SIN3A: variants seen among roughly 807,000 people sequenced by gnomAD.
SIN3A encodes the protein paired amphipathic helix protein Sin3a.
SIN3A carries 14 observed loss-of-function variants against 146.1 expected under a neutral mutation model. The observed-to-expected ratio is 0.10, with a 90% CI of 0.06 to 0.15. The LOEUF (loss-of-function observed/expected upper bound fraction) is 0.15, where lower values mean the gene tolerates loss of function less well. Among genes scored for constraint, SIN3A ranks in the 10% least tolerant of loss-of-function variants. SIN3A has a pLI of 1.00. For missense variants in SIN3A, 1,028 were observed against 1,576.0 expected, an observed-to-expected ratio of 0.65 and a Z score of 5.89; for synonymous variants, 572 against 572.0, an observed-to-expected ratio of 1.00 and a Z score of 0.00.
At chr15:75,431,637 A>C (rs1192783310) in intron 1 of SIN3A, among the ~76,000 whole-genome samples, 1 of 142,354 alleles carries the variant, frequency 7.0e-6, no homozygotes, top group East Asian at 2.1e-4. Context: ...CCTCATCTGA[A>C]ATACGGTTAA....
At chr15:75,374,559 G>A (rs148812882) in intron 20 of SIN3A, among the ~76,000 whole-genome samples, 1 of 152,258 alleles carries the variant, frequency 6.6e-6, no homozygotes, top group Non-Finnish European at 1.5e-5. Flanking sequence ...AGCTATCTTT[G>A]TCAAATGTCC....
intron 1 of SIN3A, among the ~76,000 whole-genome samples, chr15:75,448,418 CG>C (rs1366840019): frequency 1.3e-5 from 2 of 150,976 alleles, no homozygotes; most frequent in African/African-American, 2.4e-5. Flanking sequence ...CGCTAGAACC[CG>C]GGAGGCGGAA....
intron 14 of SIN3A, among the ~76,000 whole-genome samples, chr15:75,393,741 T>G (rs4526985): frequency 0.6 from 91,591 of 151,946 alleles, 28,866 homozygotes; most frequent in African/African-American, 0.8. Context: ...TGTGATTTAC[T>G]TTACTTCTGG....
intron 3 of SIN3A, 142 bp downstream of exon 3, chr15:75,422,505 T>C: frequency 3.1e-6 from 3 of 975,332 alleles, no homozygotes; most frequent in Non-Finnish European, 4.8e-6. Context: ...TAAGCAAATT[T>C]CACAAAACAA....
At chr15:75,417,838 T>G (rs575098632) in intron 3 of SIN3A, among the ~76,000 whole-genome samples, 2 of 152,278 alleles carry the variant, frequency 1.3e-5, no homozygotes, top group East Asian at 3.9e-4. Flanking sequence ...AGAAAGTGAT[T>G]GTGGAGCCCT....
intron 9 of SIN3A, among the ~76,000 whole-genome samples, chr15:75,402,605 T>C (rs2073431763): frequency 6.6e-6 from 1 of 152,152 alleles, no homozygotes; most frequent in Admixed American, 6.6e-5. Flanking sequence ...TTAGATGTGA[T>C]AATGATTATG....
chr15:75,442,608 T>G (rs1159319715), intron 1 of SIN3A, among the ~76,000 whole-genome samples: 2 of 121,214 alleles, frequency 1.6e-5, no homozygotes, highest in Admixed American at 9.5e-5. Context: ...GTGAGATAGA[T>G]CCCATCTTTA....
intron 1 of SIN3A, among the ~76,000 whole-genome samples, chr15:75,446,821 G>C (rs563090507): frequency 6.6e-6 from 1 of 152,000 alleles, no homozygotes; most frequent in South Asian, 2.1e-4. Context: ...GCCCAGGCTA[G>C]AGTGCAGTGG....
chr15:75,414,912 A>G (rs1246719325), intron 3 of SIN3A, among the ~76,000 whole-genome samples: 4 of 152,204 alleles, frequency 2.6e-5, no homozygotes, highest in African/African-American at 9.6e-5. Flanking sequence ...ACGATATGGG[A>G]TATTTAGAAA....
Position 75,396,252 on chromosome 15 carries a change from A to G in SIN3A, c.2093+6T>C, listed in dbSNP as rs1272161312. 2.5e-6 allele frequency: 4 copies of G among 1,601,132 alleles called. No homozygotes were observed. Among genetic ancestry groups the G allele is most frequent in the Non-Finnish European group, 2.6e-6 (3 of 1,168,484 alleles). ...TAAAGCACTAAGGGCACATTTGCTC[A>G]TGTACCTTTTAAGGACAATTGGAAC... On this transcript the variant is annotated splice_donor_region_variant and intron_variant, in intron 13 of 20. Coordinates refer to ENST00000394947, the MANE Select transcript of SIN3A (RefSeq NM_001145358.2).
At chr15:75,406,504 G>A (rs1457491365) in intron 9 of SIN3A, among the ~76,000 whole-genome samples, 2 of 152,100 alleles carry the variant, frequency 1.3e-5, no homozygotes, top group Admixed American at 6.5e-5. Context: ...TGGCTAACAC[G>A]GTGAAACCCC....
chr15:75,421,388 TTA>T (rs2073838112), intron 3 of SIN3A: 1 of 152,294 alleles, frequency 6.6e-6, no homozygotes, highest in South Asian at 2.1e-4. Flanking sequence ...TGTACTCTCT[TTA>T]AAAGGCTATG....
chr15:75,410,747 G>C (rs1044053899), intron 6 of SIN3A, among the ~76,000 whole-genome samples: 2 of 152,098 alleles, frequency 1.3e-5, no homozygotes, highest in African/African-American at 4.8e-5. Context: ...TCATGGGACA[G>C]TGACTAACAA....
At chr15:75,435,284 CTAAA>C (rs2074087013) in intron 1 of SIN3A, among the ~76,000 whole-genome samples, 1 of 151,770 alleles carries the variant, frequency 6.6e-6, no homozygotes, top group Non-Finnish European at 1.5e-5. Flanking sequence ...ATATGAAAAT[CTAAA>C]TATCTATCAG....
At chr15:75,452,357 G>A (rs2141654468), upstream of SIN3A, among the ~76,000 whole-genome samples, 1 of 152,334 alleles carries the variant, frequency 6.6e-6, no homozygotes, top group Non-Finnish European at 1.5e-5. Context: ...CGAGATAGGA[G>A]GGGGAGCGGA....
At chr15:75,379,356 C>T (rs2141379145) in intron 19 of SIN3A, among the ~76,000 whole-genome samples, 1 of 152,134 alleles carries the variant, frequency 6.6e-6, no homozygotes, top group Admixed American at 6.5e-5. Flanking sequence ...TAAGATGAGC[C>T]CCTTAGCTGT....
At chr15:75,378,435 A>G (rs2072905781) in intron 19 of SIN3A, among the ~76,000 whole-genome samples, 1 of 152,142 alleles carries the variant, frequency 6.6e-6, no homozygotes, top group African/African-American at 2.4e-5. Flanking sequence ...GTGGTGGCAC[A>G]TGCCTGTAAT....
chr15:75,396,813 T>G (rs1224260810), intron 12 of SIN3A, among the ~76,000 whole-genome samples: 1 of 152,148 alleles, frequency 6.6e-6, no homozygotes, highest in African/African-American at 2.4e-5. Context: ...ACCACCACCG[T>G]GTGCTTTGCT....
In SIN3A at chr15:75,394,663, AG is replaced by A; in HGVS notation, c.2277+16del. The A allele has an allele frequency of 6.3e-7, 1 of 1,588,358 alleles. No homozygotes were observed. Among genetic ancestry groups the A allele is most frequent in the African/African-American group, 1.4e-5 (1 of 73,726 alleles). On this transcript the variant is annotated intron_variant, in intron 14 of 20. Transcript: ENST00000394947. ...TAGACTAGAGTCCTCTCACAGATGC[AG>A]AAACCCCCCGCTCACCTCATCATAG...
Sources: gnomAD v4.1 joint callset for allele counts (sites outside exome capture counted in the v4.1 genomes callset) on GRCh38, gnomAD v4.1.1 for gene constraint, MANE v1.5 for transcripts, NCBI Gene and HGNC (gene_info 2026-07-23, HGNC 2026-07-21) for gene names.